PCSK5: variants seen among roughly 807,000 people sequenced by gnomAD.
The protein encoded by PCSK5 is proprotein convertase subtilisin/kexin type 5.
PCSK5 carries 129 observed loss-of-function variants against 233.2 expected under a neutral mutation model. The ratio of observed to expected loss-of-function variants is 0.55; its 90% confidence interval spans 0.48 to 0.64. The LOEUF is 0.64. Among genes scored for constraint, PCSK5 ranks in the 30% least tolerant of loss-of-function variants. The pLI is 0.00. For missense variants in PCSK5, 2,076 were observed against 2,430.1 expected, an observed-to-expected ratio of 0.85 and a Z score of 3.06; for synonymous variants, 825 against 879.2, an observed-to-expected ratio of 0.94 and a Z score of 1.09.
intron 8 of PCSK5, among the ~76,000 whole-genome samples, chr9:76,105,448 A>G (rs113131401): frequency 6.6e-6 from 1 of 152,226 alleles, no homozygotes; most frequent in Non-Finnish European, 1.5e-5. Context: ...GCCTAGTGAT[A>G]TTGTACAAGC....
chr9:76,278,962 G>T (rs1236252218), intron 24 of PCSK5, among the ~76,000 whole-genome samples: 1 of 151,770 alleles, frequency 6.6e-6, no homozygotes, highest in Non-Finnish European at 1.5e-5. Flanking sequence ...TGCACATTGT[G>T]CAGGTTAGTT....
At chr9:76,008,504 C>A (rs1012216528) in intron 3 of PCSK5, among the ~76,000 whole-genome samples, 2 of 151,830 alleles carry the variant, frequency 1.3e-5, no homozygotes, top group Admixed American at 6.6e-5. Context: ...CTCTGTCACC[C>A]AGGCTGGAGT....
intron 1 of PCSK5, among the ~76,000 whole-genome samples, chr9:75,922,942 C>T (rs1422496203): frequency 5.9e-5 from 9 of 152,216 alleles, no homozygotes; most frequent in East Asian, 1.9e-4. Context: ...AGGTAAACTA[C>T]GAGGACTTAA....
At chr9:76,178,404 C>G (rs1823709040) in intron 14 of PCSK5, among the ~76,000 whole-genome samples, 1 of 152,124 alleles carries the variant, frequency 6.6e-6, no homozygotes, top group Admixed American at 6.5e-5. Context: ...GAATTTTTAC[C>G]TAAGTATCAG....
intron 5 of PCSK5, among the ~76,000 whole-genome samples, chr9:76,046,559 CTTT>C (rs553542037): frequency 0.065 from 6,740 of 104,444 alleles, 429 homozygotes; most frequent in African/African-American, 0.23. Context: ...CTTTCTTTTT[CTTT>C]TTTTTTTTTT....
intron 20 of PCSK5, among the ~76,000 whole-genome samples, chr9:76,203,071 A>G (rs1397800736): frequency 2.0e-5 from 3 of 152,214 alleles, no homozygotes; most frequent in Non-Finnish European, 2.9e-5. Context: ...AAACTTCAGC[A>G]TAGCTCTCTA....
intron 6 of PCSK5, among the ~76,000 whole-genome samples, chr9:76,068,722 C>G (rs573772864): frequency 6.6e-6 from 1 of 152,260 alleles, no homozygotes; most frequent in South Asian, 2.1e-4. Context: ...TTGTAAGCAA[C>G]AGCCTGGTGC....
At chr9:75,972,029 A>T (rs946632718) in intron 2 of PCSK5, among the ~76,000 whole-genome samples, 2 of 151,320 alleles carry the variant, frequency 1.3e-5, no homozygotes, top group Non-Finnish European at 3.0e-5. Flanking sequence ...TATTGCCTAG[A>T]TTTTCTTCTA....
chr9:76,125,591 A>G (rs1278439578), intron 9 of PCSK5, among the ~76,000 whole-genome samples: 2 of 152,246 alleles, frequency 1.3e-5, no homozygotes, highest in African/African-American at 4.8e-5. Flanking sequence ...TACTTTTGAT[A>G]GTATGTATGC....
chr9:76,289,527 C>T (rs1388530255), intron 24 of PCSK5, among the ~76,000 whole-genome samples: 2 of 93,102 alleles, frequency 2.1e-5, no homozygotes, highest in African/African-American at 7.1e-5. Context: ...TACACACACA[C>T]ACACACACAC....
intron 34 of PCSK5, among the ~76,000 whole-genome samples, chr9:76,337,879 CA>C (rs1829723551): frequency 6.6e-6 from 1 of 151,986 alleles, no homozygotes; most frequent in Non-Finnish European, 1.5e-5. Flanking sequence ...TGATCCCAGC[CA>C]TTAATCACAA....
chr9:76,312,850 A>G (rs1449683288), intron 30 of PCSK5, among the ~76,000 whole-genome samples: 1 of 152,198 alleles, frequency 6.6e-6, no homozygotes, highest in Non-Finnish European at 1.5e-5. Context: ...CTGATATGGA[A>G]AGCTAAGTTA....
chr9:76,143,249 A>G (rs976123339), intron 10 of PCSK5, among the ~76,000 whole-genome samples: 1 of 152,126 alleles, frequency 6.6e-6, no homozygotes, highest in African/African-American at 2.4e-5. Context: ...GGTCAGGGGA[A>G]GGGGCAAAAG....
At chr9:76,192,988 T>TA (rs1824485732) in intron 20 of PCSK5, among the ~76,000 whole-genome samples, 1 of 151,512 alleles carries the variant, frequency 6.6e-6, no homozygotes, top group African/African-American at 2.4e-5. Context: ...CTAATCTTTT[T>TA]TTTTTTTCAC....
intron 31 of PCSK5, among the ~76,000 whole-genome samples, chr9:76,322,355 C>T (rs934705687): frequency 8.5e-5 from 13 of 152,274 alleles, no homozygotes; most frequent in South Asian, 2.1e-4. Context: ...AAGAAAAGTT[C>T]GGGCAACTAT....
chr9:76,162,783 T>C (rs1029622231), intron 12 of PCSK5, among the ~76,000 whole-genome samples: 3 of 152,188 alleles, frequency 2.0e-5, no homozygotes, highest in African/African-American at 7.2e-5. Context: ...GTGGCAGACT[T>C]TTCCTCATTT....
intron 7 of PCSK5, among the ~76,000 whole-genome samples, chr9:76,084,586 T>C (rs1465534229): frequency 2.0e-5 from 3 of 152,208 alleles, no homozygotes; most frequent in African/African-American, 7.2e-5. Flanking sequence ...AGTGAACTCC[T>C]CCTCACAAGA....
chr9:76,214,170 T>C (rs1587766483), intron 20 of PCSK5, among the ~76,000 whole-genome samples: 1 of 152,056 alleles, frequency 6.6e-6, no homozygotes. Context: ...CCACAAAGGG[T>C]AGAAAGTGAG....
At chr9:75,994,807 A>G (rs559489955) in intron 3 of PCSK5, among the ~76,000 whole-genome samples, 2 of 152,054 alleles carry the variant, frequency 1.3e-5, no homozygotes, top group South Asian at 4.1e-4. Context: ...CAAGCAACCA[A>G]CCAAAGAAAA....
Sources: gnomAD v4.1 joint callset for allele counts (sites outside exome capture counted in the v4.1 genomes callset) on GRCh38, gnomAD v4.1.1 for gene constraint, MANE v1.5 for transcripts, NCBI Gene and HGNC (gene_info 2026-07-23, HGNC 2026-07-21) for gene names.